Variants in KALRN observed in about 807,000 individuals in gnomAD.
KALRN encodes kalirin.
KALRN carries 70 observed loss-of-function variants against 353.7 expected under a neutral mutation model. That is an observed-to-expected ratio of 0.20 (90% CI 0.16 to 0.24). The LOEUF (loss-of-function observed/expected upper bound fraction) is 0.24, where lower values mean the gene tolerates loss of function less well. Ranked by LOEUF, KALRN falls within the 10% of genes least tolerant of loss-of-function variation. The pLI, the probability that KALRN is intolerant of heterozygous loss-of-function variation, is 1.00. For synonymous variants in KALRN, 1,391 were observed against 1,434.8 expected (o/e 0.97, Z 0.69); for missense variants, 2,791 against 3,756.7 (o/e 0.74, Z 6.72).
At chr3:124,201,143 A>C (rs906963575) in intron 1 of KALRN, among the ~76,000 whole-genome samples, 3 of 152,246 alleles carry the variant, frequency 2.0e-5, no homozygotes, top group Admixed American at 1.3e-4. Flanking sequence ...TCTTGTGACC[A>C]AGAGACAAAG....
chr3:124,512,634 G>A (rs2066055518), intron 33 of KALRN, among the ~76,000 whole-genome samples: 1 of 151,934 alleles, frequency 6.6e-6, no homozygotes, highest in African/African-American at 2.4e-5. Flanking sequence ...CTGGGAAACA[G>A]AGCAAGTCTC....
chr3:124,101,146 T>C (rs2061831608), intron 1 of KALRN, among the ~76,000 whole-genome samples: 1 of 152,218 alleles, frequency 6.6e-6, no homozygotes, highest in Non-Finnish European at 1.5e-5. Flanking sequence ...AATGACTTTC[T>C]AGATAAACCT....
At chr3:124,262,725 G>C (rs1236462457) in intron 3 of KALRN, among the ~76,000 whole-genome samples, 1 of 152,142 alleles carries the variant, frequency 6.6e-6, no homozygotes, top group Non-Finnish European at 1.5e-5. Context: ...TCTCATCACT[G>C]GTTGAAATTT....
chr3:124,181,803 G>C (rs1275823266), intron 1 of KALRN, among the ~76,000 whole-genome samples: 1 of 152,214 alleles, frequency 6.6e-6, no homozygotes, highest in East Asian at 1.9e-4. Context: ...AGGAGGGACA[G>C]GAGCACAGCA....
chr3:124,201,812 G>T (rs1229935702), intron 1 of KALRN, among the ~76,000 whole-genome samples: 1 of 152,236 alleles, frequency 6.6e-6, no homozygotes, highest in Non-Finnish European at 1.5e-5. Flanking sequence ...GTCTATAAAT[G>T]CAGCTAAGGG....
intron 1 of KALRN, among the ~76,000 whole-genome samples, chr3:124,076,241 C>A (rs763217099): frequency 1.3e-5 from 2 of 152,308 alleles, no homozygotes; most frequent in Non-Finnish European, 2.9e-5. Context: ...GAAGCAAGGG[C>A]AGCTAGGGTG....
chr3:124,152,638 G>T, intron 1 of KALRN: 1 of 581,488 alleles, frequency 1.7e-6, no homozygotes, highest in Non-Finnish European at 2.9e-6. Context: ...CTGTTGCCCA[G>T]GCTGGAGTGC....
In KALRN at chr3:124,217,738, C is replaced by T. The variant is rs917796970; in HGVS notation, c.74-10252C>T. Among the ~76,000 whole-genome samples the T allele has an allele frequency of 3.9e-5, 6 of 152,142 alleles. No individual in the cohort carries two copies. The East Asian group carries it at 5.8e-4, about 15-fold the overall frequency. On this transcript the variant is annotated intron_variant, in intron 1 of 59. Transcript: ENST00000682506. ...GTTCAGGACCAAGGACAGCGGCATA[C>T]ATGTCCTGGCAGTGGGGAGAGGGTG...
intron 33 of KALRN, among the ~76,000 whole-genome samples, chr3:124,503,189 AC>A (rs1256065942): frequency 6.6e-6 from 1 of 152,024 alleles, no homozygotes; most frequent in Non-Finnish European, 1.5e-5. Flanking sequence ...AACACTTCAA[AC>A]CCTTAAATAA....
rs1287344716 is a variant in KALRN at position 124,637,302 on chromosome 3, T to C, written c.5663T>C (p.Leu1888Pro). The change falls in exon 37 of 60, where the codon CTG (leucine) becomes CCG (proline). Residue 1888 changes from leucine (L) to proline (P), a missense_variant and splice_region_variant. Physicochemically the swap from Leu to Pro is moderately conservative, Grantham distance 98. This residue lies in a region of KALRN where 1,065 missense variants were observed against 1,156.4 expected (regional missense o/e 0.92). Transcript: ENST00000682506. ...NAIEKLVKNK[L>P]SLEGSSYRGS... Reference sequence around the variant, plus strand: ...ATAGAAAAGTTGGTCAAAAACAAGCTGGTAAGTGGGGGTCCTGGAGGCAGT... The same window carrying C: ...ATAGAAAAGTTGGTCAAAAACAAGCCGGTAAGTGGGGGTCCTGGAGGCAGT... 1 of 1,612,608 alleles carries C rather than the reference T, an allele frequency of 6.2e-7. No individual in the cohort carries two copies. The highest frequency in any genetic ancestry group is 2.2e-5 in the East Asian group (1 of 44,896).
At chr3:124,688,069 G>A (rs1306510941) in intron 51 of KALRN, among the ~76,000 whole-genome samples, 1 of 152,186 alleles carries the variant, frequency 6.6e-6, no homozygotes, top group Non-Finnish European at 1.5e-5. Context: ...CCAGCACATT[G>A]GGCGGGCACA....
chr3:124,698,120 C>T lies in KALRN; in HGVS notation c.7831+396C>T, dbSNP rs139234351. 4.2e-3 allele frequency among the ~76,000 whole-genome samples: 647 copies of T among 152,278 alleles called. 1 individual carries two copies. The highest frequency in any genetic ancestry group is 0.015 in the African/African-American group (615 of 41,554). On this transcript the variant is annotated intron_variant, in intron 55 of 59. Transcript: ENST00000682506. Reference sequence around the variant, plus strand: ...GAGTAGCTGGGACTAAAGCGCACACCACCACACCCGGCTAATTTTTGTATT... The same window carrying T: ...GAGTAGCTGGGACTAAAGCGCACACTACCACACCCGGCTAATTTTTGTATT...
At chr3:124,454,404 C>G (rs1248240901) in intron 21 of KALRN, among the ~76,000 whole-genome samples, 3 of 152,168 alleles carry the variant, frequency 2.0e-5, no homozygotes, top group African/African-American at 7.2e-5. Context: ...TTCCCTCCAC[C>G]TACTTCCTAA....
At chr3:124,370,286 C>T (rs983767147) in intron 10 of KALRN, among the ~76,000 whole-genome samples, 5 of 151,646 alleles carry the variant, frequency 3.3e-5, no homozygotes, top group Non-Finnish European at 5.9e-5. Flanking sequence ...AGGACTGTAA[C>T]GTGGATATCT....
chr3:124,385,250 A>AG (rs1283351221), intron 11 of KALRN, among the ~76,000 whole-genome samples: 8 of 152,038 alleles, frequency 5.3e-5, no homozygotes, highest in Admixed American at 1.3e-4. Context: ...AGTGAGGAAA[A>AG]GGGGTCATGG....
chr3:124,430,883 C>G (rs2093240853), intron 16 of KALRN, 108 bp downstream of exon 16: 1 of 1,343,504 alleles, frequency 7.4e-7, no homozygotes, highest in South Asian at 1.5e-5. Flanking sequence ...AAGGCTGTAC[C>G]CCTTCTAGTA....
chr3:124,215,884 C>A (rs2077282166), intron 1 of KALRN, among the ~76,000 whole-genome samples: 1 of 152,156 alleles, frequency 6.6e-6, no homozygotes, highest in African/African-American at 2.4e-5. Context: ...TATCCAGGCT[C>A]CAGCAGATCT....
chr3:124,455,400 A>C, intron 22 of KALRN, 41 bp downstream of exon 22: 2 of 1,580,744 alleles, frequency 1.3e-6, no homozygotes, highest in Non-Finnish European at 1.7e-6. Flanking sequence ...CTCCCTTCTC[A>C]TCTCCCTGAG....
intron 33 of KALRN, among the ~76,000 whole-genome samples, chr3:124,498,731 T>G (rs1470134394): frequency 6.6e-6 from 1 of 152,174 alleles, no homozygotes. Context: ...TCTAGTACTA[T>G]GCACTGTAAT....
Sources: allele counts gnomAD v4.1 joint callset (sites outside exome capture counted in the v4.1 genomes callset), GRCh38; gene constraint gnomAD v4.1.1; regional missense constraint gnomAD v4.1.1; transcripts MANE v1.5; gene names NCBI Gene and HGNC (gene_info 2026-07-23, HGNC 2026-07-21).